DEPTOR: variants seen among roughly 807,000 people sequenced by gnomAD.
DEPTOR encodes DEP domain containing MTOR interacting protein, also known as DEP domain-containing mTOR-interacting protein.
Under a neutral mutation model 41.6 loss-of-function variants are expected in DEPTOR, and 41 were observed. The ratio of observed to expected loss-of-function variants is 0.98; its 90% confidence interval spans 0.77 to 1.28. The LOEUF is 1.28. DEPTOR is among the 50% of genes most tolerant of loss of function. The probability of loss-of-function intolerance (pLI) is 0.00; values close to 1 mark genes in which losing one functional copy is unlikely to be tolerated. For missense variants in DEPTOR, 514 were observed against 527.9 expected, an observed-to-expected ratio of 0.97 and a Z score of 0.26; for synonymous variants, 195 against 192.3, an observed-to-expected ratio of 1.01 and a Z score of -0.12.
intron 1 of DEPTOR, among the ~76,000 whole-genome samples, chr8:119,921,901 C>T (rs1224734128): frequency 6.6e-6 from 1 of 151,828 alleles, no homozygotes; most frequent in East Asian, 1.9e-4. Context: ...GCTGGGACTA[C>T]AGGCACACAC....
intron 1 of DEPTOR, among the ~76,000 whole-genome samples, chr8:119,921,748 G>GTTTTTTTTTTT (rs1282897659): frequency 1.5e-5 from 2 of 131,134 alleles, no homozygotes; most frequent in African/African-American, 3.0e-5. Context: ...CTATTCTGTA[G>GTTTTTTTTTTT]TTTTTTTTTT....
chr8:119,942,296 G>A (rs898716440), intron 3 of DEPTOR, among the ~76,000 whole-genome samples: 6 of 152,174 alleles, frequency 3.9e-5, no homozygotes, highest in Non-Finnish European at 8.8e-5. Context: ...TCCACCTCCT[G>A]GTGAGTTCGA....
chr8:120,017,580 C>A (rs2130126031), intron 8 of DEPTOR, among the ~76,000 whole-genome samples: 1 of 152,254 alleles, frequency 6.6e-6, no homozygotes, highest in East Asian at 1.9e-4. Flanking sequence ...AATTTTCATT[C>A]TTGGCATCAG....
chr8:119,985,364 G>A (rs1828815794), intron 4 of DEPTOR, among the ~76,000 whole-genome samples: 1 of 151,912 alleles, frequency 6.6e-6, no homozygotes, highest in African/African-American at 2.4e-5. Context: ...CTTTTGAGAA[G>A]TGTCTCTTCA....
chr8:120,001,646 T>G lies in DEPTOR; in HGVS notation c.726T>G (p.His242Gln), dbSNP rs1309539904. ...NEKSPSSQET[H>Q]DSPFCLRKQS... is the part of the protein sequence containing the mutation. The stretch of plus-strand genomic sequence containing the variant: ...AGTCCCCCTCCTCCCAGGAAACTCA[T>G]GACAGTCCCTTCTGCCTGAGGAAGC... The change falls in exon 5 of 9, where the codon CAT becomes CAG. Residue 242 changes from histidine (H) to glutamine (Q), a missense_variant. His to Gln is a conservative substitution (Grantham distance 24). Coordinates refer to ENST00000286234, the MANE Select transcript of DEPTOR (RefSeq NM_022783.4). 9 of 1,613,932 alleles carry G rather than the reference T, an allele frequency of 5.6e-6. No homozygotes were observed. The highest frequency in any genetic ancestry group is 2.5e-6 in the Non-Finnish European group (3 of 1,179,996).
Position 120,049,933 on chromosome 8 carries a change from A to G in DEPTOR, c.*229A>G. The G allele has an allele frequency of 5.2e-6, 2 of 381,508 alleles. No homozygotes were observed. Among genetic ancestry groups the G allele is most frequent in the Non-Finnish European group, 9.2e-6 (2 of 216,222 alleles). 23.6% of individuals were successfully genotyped at this position (381,508 alleles called of 1,614,324 possible). On this transcript the variant is annotated 3_prime_UTR_variant, in exon 9 of 9. Transcript: ENST00000286234. ...AAAACATTTGGGAAACCATTTTCCT[A>G]CATGATAGAACTGCCTTACTAGATT...
chr8:120,038,313 A>G (rs1425869788), intron 8 of DEPTOR, among the ~76,000 whole-genome samples: 3 of 149,712 alleles, frequency 2.0e-5, no homozygotes, highest in Non-Finnish European at 4.4e-5. Context: ...AAAGAAATTC[A>G]CTATAGCCTG....
At chr8:120,033,705 T>C (rs1358651332) in intron 8 of DEPTOR, among the ~76,000 whole-genome samples, 1 of 152,180 alleles carries the variant, frequency 6.6e-6, no homozygotes, top group Non-Finnish European at 1.5e-5. Context: ...CTCCTAAAGA[T>C]GACAAGACAC....
chr8:119,949,860 A>T (rs1446333249), intron 3 of DEPTOR, among the ~76,000 whole-genome samples: 1 of 151,932 alleles, frequency 6.6e-6, no homozygotes, highest in African/African-American at 2.4e-5. Flanking sequence ...TTGTATTTTT[A>T]GTAGAGACAG....
chr8:119,934,775 C>G (rs1303598408), intron 3 of DEPTOR, among the ~76,000 whole-genome samples: 1 of 152,144 alleles, frequency 6.6e-6, no homozygotes, highest in Non-Finnish European at 1.5e-5. Flanking sequence ...GCCCAGGAGC[C>G]CAGCTACCTG....
intron 3 of DEPTOR, among the ~76,000 whole-genome samples, chr8:119,943,008 G>T (rs1391605258): frequency 2.6e-5 from 4 of 152,238 alleles, no homozygotes; most frequent in Non-Finnish European, 4.4e-5. Context: ...AGCATGGTGA[G>T]ATATTCAGCT....
chr8:120,006,847 G>C lies in DEPTOR; in HGVS notation c.968G>C (p.Gly323Ala). The C allele has an allele frequency of 2.5e-6, 4 of 1,614,138 alleles. No individual in the cohort carries two copies. Among genetic ancestry groups the C allele is most frequent in the Non-Finnish European group, 3.4e-6 (4 of 1,180,014 alleles). ...ACCTCTGAGGAACTCCTTACTCCCG[G>C]GGCTCCGTATGCAAGGAAGACATTC... ...PVTSEELLTPGAPYARKTFTI... is the reference protein window; with the variant it reads ...PVTSEELLTPAAPYARKTFTI... The change falls in exon 7 of 9, where the codon GGG becomes GCG. Residue 323 changes from glycine to alanine, a missense_variant. Gly to Ala is a moderately conservative substitution (Grantham distance 60). Transcript: ENST00000286234.
intron 3 of DEPTOR, among the ~76,000 whole-genome samples, chr8:119,937,624 T>C (rs907692838): frequency 6.6e-6 from 1 of 152,162 alleles, no homozygotes; most frequent in African/African-American, 2.4e-5. Context: ...TCAAGAACTG[T>C]TAGGAGTCTG....
At chr8:120,025,890 A>C (rs780890888) in intron 8 of DEPTOR, among the ~76,000 whole-genome samples, 13 of 151,914 alleles carry the variant, frequency 8.6e-5, no homozygotes, top group African/African-American at 2.7e-4. Context: ...ACCTTGGCCC[A>C]AACGGTCCTA....
chr8:120,041,530 T>G (rs1007660265), intron 8 of DEPTOR, among the ~76,000 whole-genome samples: 1 of 151,136 alleles, frequency 6.6e-6, no homozygotes, highest in African/African-American at 2.4e-5. Flanking sequence ...CTAACTTAGG[T>G]TCTTATAACT....
chr8:120,018,887 T>C (rs2130129536), intron 8 of DEPTOR, among the ~76,000 whole-genome samples: 1 of 152,290 alleles, frequency 6.6e-6, no homozygotes, highest in East Asian at 1.9e-4. Flanking sequence ...CCCTCAGTAA[T>C]ACAGCGATAA....
At chr8:119,983,198 A>G (rs1828788664) in intron 4 of DEPTOR, among the ~76,000 whole-genome samples, 1 of 152,136 alleles carries the variant, frequency 6.6e-6, no homozygotes, top group African/African-American at 2.4e-5. Context: ...GATGAAGGGC[A>G]TAAGGGAGCT....
At chr8:119,897,701 C>T (rs1048287785) in intron 1 of DEPTOR, among the ~76,000 whole-genome samples, 1 of 152,124 alleles carries the variant, frequency 6.6e-6, no homozygotes, top group Non-Finnish European at 1.5e-5. Flanking sequence ...TCACACAAGA[C>T]CTTGAGATTT....
chr8:119,952,704 T>A (rs1828369629), intron 3 of DEPTOR, among the ~76,000 whole-genome samples: 1 of 152,194 alleles, frequency 6.6e-6, no homozygotes. Context: ...GTTAGTTTGC[T>A]GGGGATGATG....
Sources: gnomAD v4.1 joint callset for allele counts (sites outside exome capture counted in the v4.1 genomes callset) on GRCh38, gnomAD v4.1.1 for gene constraint, MANE v1.5 for transcripts, NCBI Gene and HGNC (gene_info 2026-07-23, HGNC 2026-07-21) for gene names.